PTK2: variants seen among roughly 807,000 people sequenced by gnomAD.
The protein encoded by PTK2 is protein tyrosine kinase 2.
PTK2 carries 45 observed loss-of-function variants against 150.1 expected under a neutral mutation model. That is an observed-to-expected ratio of 0.30 (90% CI 0.24 to 0.38). PTK2 has a LOEUF of 0.38. Among genes scored for constraint, PTK2 ranks in the 10% least tolerant of loss-of-function variants. The pLI is 1.00. For synonymous variants in PTK2, 432 were observed against 449.2 expected, an observed-to-expected ratio of 0.96 and a Z score of 0.48; for missense variants, 919 against 1,307.3, an observed-to-expected ratio of 0.70 and a Z score of 4.58.
At chr8:140,714,471 A>G (rs900076845) in intron 23 of PTK2, among the ~76,000 whole-genome samples, 14 of 151,436 alleles carry the variant, frequency 9.2e-5, no homozygotes, top group East Asian at 1.9e-4. Flanking sequence ...AAAAAGAAAG[A>G]AAGGAAGGAA....
At chr8:140,898,789 C>T (rs772154899) in intron 2 of PTK2, among the ~76,000 whole-genome samples, 2 of 152,060 alleles carry the variant, frequency 1.3e-5, no homozygotes, top group Admixed American at 1.3e-4. Context: ...TACACTGACC[C>T]TTTAATAAAA....
chr8:140,817,571 A>C (rs1156292631), intron 10 of PTK2, among the ~76,000 whole-genome samples: 2 of 152,128 alleles, frequency 1.3e-5, no homozygotes, highest in Non-Finnish European at 2.9e-5. Context: ...ACACTGTTCT[A>C]CTTTTCATCT....
chr8:140,972,060 C>T (rs1224170897), intron 1 of PTK2, among the ~76,000 whole-genome samples: 1 of 152,056 alleles, frequency 6.6e-6, no homozygotes, highest in Non-Finnish European at 1.5e-5. Flanking sequence ...AGACATTTTT[C>T]AAAGATAAAA....
At chr8:140,726,182 C>T (rs775012569) in intron 22 of PTK2, among the ~76,000 whole-genome samples, 1 of 151,826 alleles carries the variant, frequency 6.6e-6, no homozygotes, top group Non-Finnish European at 1.5e-5. Flanking sequence ...ATGATTCAAT[C>T]TGAAGCGGGG....
chr8:140,708,814 G>T (rs1199309956), intron 23 of PTK2, among the ~76,000 whole-genome samples: 1 of 152,136 alleles, frequency 6.6e-6, no homozygotes. Context: ...TTAAAGATAT[G>T]TGTTAATATA....
chr8:140,915,712 C>T (rs1033292744), intron 2 of PTK2, among the ~76,000 whole-genome samples: 4 of 151,768 alleles, frequency 2.6e-5, no homozygotes, highest in Non-Finnish European at 4.4e-5. Context: ...GCCTGGCCAA[C>T]ATGATAAAAC....
chr8:140,659,240 C>T (rs1477679473), exon 32 of PTK2: 2 of 517,020 alleles, frequency 3.9e-6, no homozygotes, highest in South Asian at 2.9e-5. Flanking sequence ...ATTTTGGATC[C>T]TGGATTTTTC....
chr8:140,828,715 C>T (rs2100113441), intron 8 of PTK2, among the ~76,000 whole-genome samples: 1 of 152,188 alleles, frequency 6.6e-6, no homozygotes, highest in Non-Finnish European at 1.5e-5. Context: ...CTGCAGCACC[C>T]AGCAGGTTTA....
intron 5 of PTK2, among the ~76,000 whole-genome samples, chr8:140,853,186 T>C (rs1356546824): frequency 7.8e-6 from 1 of 128,754 alleles, no homozygotes; most frequent in Non-Finnish European, 1.9e-5. Context: ...GCATATGATG[T>C]CACACTCTTT....
intron 2 of PTK2, among the ~76,000 whole-genome samples, chr8:140,910,757 C>A (rs1165901224): frequency 2.0e-5 from 3 of 152,196 alleles, no homozygotes; most frequent in Non-Finnish European, 4.4e-5. Flanking sequence ...TCAGTAACTT[C>A]TTGGCCTGAA....
At chr8:140,794,169 T>C (rs1168005729) in intron 12 of PTK2, among the ~76,000 whole-genome samples, 1 of 152,230 alleles carries the variant, frequency 6.6e-6, no homozygotes, top group East Asian at 1.9e-4. Flanking sequence ...CAGAATAATC[T>C]TCCCAAATTA....
intron 24 of PTK2, among the ~76,000 whole-genome samples, chr8:140,704,248 T>C (rs1401453137): frequency 6.6e-6 from 1 of 152,158 alleles, no homozygotes; most frequent in Non-Finnish European, 1.5e-5. Flanking sequence ...AAAAATGAAG[T>C]AACATCAGGA....
At chr8:140,802,330 G>A (rs2100095584) in intron 11 of PTK2, among the ~76,000 whole-genome samples, 1 of 151,744 alleles carries the variant, frequency 6.6e-6, no homozygotes, top group Non-Finnish European at 1.5e-5. Context: ...AAAAAACACA[G>A]AAAATCATTT....
intron 1 of PTK2, among the ~76,000 whole-genome samples, chr8:140,995,708 CAGA>C (rs2100197441): frequency 6.6e-6 from 1 of 151,844 alleles, no homozygotes; most frequent in Non-Finnish European, 1.5e-5. Flanking sequence ...ACTCAGGAGG[CAGA>C]AGGTTTCAGT....
chr8:140,787,507 G>A (rs1322530349), intron 14 of PTK2, among the ~76,000 whole-genome samples: 3 of 152,202 alleles, frequency 2.0e-5, no homozygotes, highest in Admixed American at 1.3e-4. Flanking sequence ...ATCATAAAGT[G>A]GGGGTTGGCT....
intron 28 of PTK2, 97 bp downstream of exon 31, chr8:140,675,363 C>G: frequency 3.0e-6 from 4 of 1,331,512 alleles, no homozygotes; most frequent in Non-Finnish European, 4.3e-6. Flanking sequence ...AAAAATTAAC[C>G]ATGAGGGTAT....
At position 140,777,991 on chromosome 8, in the gene PTK2, T is replaced by C. The variant is rs115089116; in HGVS notation, c.1177+11483A>G. ...CTAAAACTTCATCTTTGGAGAGGCA[T>C]ATTTGACATTTGTTCTCTCATCTCC... On this transcript the variant is annotated intron_variant, in intron 14 of 31. Transcript: ENST00000522684. 4.5e-3 allele frequency among the ~76,000 whole-genome samples: 684 copies of C among 152,318 alleles called. 4 individuals are homozygous for C. The highest frequency in any genetic ancestry group is 0.016 in the African/African-American group (647 of 41,550).
At chr8:140,871,678 T>C (rs1382775068) in intron 4 of PTK2, among the ~76,000 whole-genome samples, 3 of 152,192 alleles carry the variant, frequency 2.0e-5, no homozygotes, top group African/African-American at 7.2e-5. Context: ...CATGCGCCTA[T>C]GATCCCAGTA....
rs780092581 is a variant in PTK2, at chr8:140,846,578, A to G, written c.530+21T>C. 61 of 1,544,430 alleles carry G rather than the reference A, an allele frequency of 3.9e-5. 1 individual carries two copies. The Middle Eastern group carries it at 8.4e-4, about 21-fold the overall frequency. On this transcript the variant is annotated intron_variant, in intron 6 of 31. Coordinates refer to ENST00000522684, the Ensembl canonical transcript of PTK2. The stretch of plus-strand genomic sequence containing the variant: ...TAAAAAATTGATAAATAAAGGCCGC[A>G]ATGTATAGTTATCATCTTACCGTAT...
Sources: allele counts gnomAD v4.1 joint callset (sites outside exome capture counted in the v4.1 genomes callset), GRCh38; gene constraint gnomAD v4.1.1; transcripts MANE v1.5; gene names NCBI Gene and HGNC (gene_info 2026-07-23, HGNC 2026-07-21).